The following DLGAP1 variants were observed in gnomAD, a reference collection of about 807,000 sequenced individuals.
DLGAP1 encodes the protein DLG associated protein 1, also known as disks large-associated protein 1.
A neutral mutation model predicts 90.8 loss-of-function variants in DLGAP1; 11 were observed. The observed-to-expected ratio is 0.12, with a 90% CI of 0.08 to 0.20. The LOEUF is 0.20. DLGAP1 is among the 10% of genes least tolerant of loss of function. DLGAP1 has a pLI of 1.00. For synonymous variants in DLGAP1, 558 were observed against 540.7 expected (o/e 1.03, Z -0.44); for missense variants, 1,050 against 1,333.8 (o/e 0.79, Z 3.31).
intron 5 of DLGAP1, among the ~76,000 whole-genome samples, chr18:3,772,258 CTT>C (rs1568107523): frequency 6.8e-6 from 1 of 147,808 alleles, no homozygotes; most frequent in Non-Finnish European, 1.5e-5. Flanking sequence ...TCCTTCCTTT[CTT>C]TCTCTCTTTC....
chr18:4,134,155 C>T (rs2076362209), intron 2 of DLGAP1, among the ~76,000 whole-genome samples: 1 of 152,094 alleles, frequency 6.6e-6, no homozygotes, highest in Admixed American at 6.6e-5. Context: ...ATTTCCTAGT[C>T]TGAATCCTGT....
At chr18:3,936,390 A>T (rs1404924901) in intron 3 of DLGAP1, among the ~76,000 whole-genome samples, 1 of 152,166 alleles carries the variant, frequency 6.6e-6, no homozygotes, top group Non-Finnish European at 1.5e-5. Flanking sequence ...TGACATTTCC[A>T]GTTGGTGCTG....
intron 10 of DLGAP1, among the ~76,000 whole-genome samples, chr18:3,510,290 G>T (rs1168268019): frequency 1.3e-5 from 2 of 152,218 alleles, no homozygotes; most frequent in Non-Finnish European, 2.9e-5. Context: ...AAGGTTAAAA[G>T]CGTTAGTGTA....
chr18:4,097,085 C>G (rs952055859), intron 2 of DLGAP1, among the ~76,000 whole-genome samples: 1 of 152,168 alleles, frequency 6.6e-6, no homozygotes, highest in African/African-American at 2.4e-5. Context: ...AGCACAGACC[C>G]ACATATATTA....
At chr18:4,204,529 T>C (rs2077681052) in intron 1 of DLGAP1, among the ~76,000 whole-genome samples, 1 of 152,188 alleles carries the variant, frequency 6.6e-6, no homozygotes, top group African/African-American at 2.4e-5. Flanking sequence ...GTTTTTGTTT[T>C]TTTTTCTGAC....
At chr18:3,806,774 T>C (rs993579403) in intron 5 of DLGAP1, among the ~76,000 whole-genome samples, 46 of 152,164 alleles carry the variant, frequency 3.0e-4, no homozygotes, top group African/African-American at 1.1e-3. Flanking sequence ...GTGAGGAGTC[T>C]TTGTTGCCAG....
intron 2 of DLGAP1, among the ~76,000 whole-genome samples, chr18:4,140,779 A>G (rs564924110): frequency 6.6e-6 from 1 of 152,064 alleles, no homozygotes; most frequent in East Asian, 1.9e-4. Context: ...TCTCCTTCAT[A>G]TTTGAAGGAT....
intron 1 of DLGAP1, among the ~76,000 whole-genome samples, chr18:4,219,165 C>A (rs1298988537): frequency 6.6e-6 from 1 of 150,898 alleles, no homozygotes; most frequent in African/African-American, 2.4e-5. Context: ...TTGTTAATAG[C>A]CATTCTTACA....
chr18:4,317,457 C>A (rs891030639), intron 1 of DLGAP1, among the ~76,000 whole-genome samples: 30 of 152,148 alleles, frequency 2.0e-4, no homozygotes, highest in African/African-American at 7.2e-4. Context: ...AAATTCTATT[C>A]CATGTAGTTT....
intron 1 of DLGAP1, among the ~76,000 whole-genome samples, chr18:4,371,966 C>T (rs192493273): frequency 6.6e-6 from 1 of 152,326 alleles, no homozygotes; most frequent in Admixed American, 6.5e-5. Flanking sequence ...AATATTAAGA[C>T]CAGGCTGCTG....
chr18:3,678,745 C>T (rs2060402819), intron 7 of DLGAP1, among the ~76,000 whole-genome samples: 1 of 152,186 alleles, frequency 6.6e-6, no homozygotes. Flanking sequence ...TAGGATTTTT[C>T]CCTCCCCTAG....
chr18:4,045,944 T>C (rs1456294926), intron 2 of DLGAP1, among the ~76,000 whole-genome samples: 3 of 152,092 alleles, frequency 2.0e-5, no homozygotes, highest in Admixed American at 2.0e-4. Context: ...CTGGCTCTTT[T>C]AAACTTCTTA....
chr18:3,713,006 T>C (rs1171417832), intron 7 of DLGAP1, among the ~76,000 whole-genome samples: 1 of 152,216 alleles, frequency 6.6e-6, no homozygotes, highest in Admixed American at 6.5e-5. Flanking sequence ...AAAGCTCTAG[T>C]ACTGGCCTTT....
At chr18:4,329,284 A>G (rs1277161836) in intron 1 of DLGAP1, among the ~76,000 whole-genome samples, 1 of 151,906 alleles carries the variant, frequency 6.6e-6, no homozygotes, top group Admixed American at 6.6e-5. Flanking sequence ...ACATTGAATT[A>G]CCCTGGGTCC....
intron 5 of DLGAP1, among the ~76,000 whole-genome samples, chr18:3,743,993 C>T (rs904677510): frequency 3.3e-5 from 5 of 152,240 alleles, no homozygotes; most frequent in Non-Finnish European, 4.4e-5. Context: ...GGTATTAGTG[C>T]GATTTTTCTT....
rs913402742 is a variant in DLGAP1, at chr18:4,342,680, C to T, written c.-267+112326G>A. On this transcript the variant is annotated intron_variant, in intron 1 of 12. Coordinates refer to ENST00000315677, the MANE Select transcript of DLGAP1 (RefSeq NM_004746.4). This position sits in a 1 kb window ranked among gnomAD's most constrained non-coding sequence, Gnocchi z 5.8. ...GTTTTGGTTAATACTACATTTGCCACAAATCTGCAGATGTATGTTGAAAGA... is the reference window on the plus strand; with the variant it reads ...GTTTTGGTTAATACTACATTTGCCATAAATCTGCAGATGTATGTTGAAAGA... 6.6e-6 allele frequency among the ~76,000 whole-genome samples: 1 copy of T among 152,158 alleles called. No individual in the cohort carries two copies. Among genetic ancestry groups the T allele is most frequent in the African/African-American group, 2.4e-5 (1 of 41,432 alleles).
intron 1 of DLGAP1, among the ~76,000 whole-genome samples, chr18:4,323,992 A>G (rs2080757540): frequency 6.6e-6 from 1 of 152,188 alleles, no homozygotes; most frequent in African/African-American, 2.4e-5. Context: ...CCAACCCCAA[A>G]GGAAGCAGAA....
At chr18:3,795,167 T>C (rs2065927244) in intron 5 of DLGAP1, among the ~76,000 whole-genome samples, 1 of 152,158 alleles carries the variant, frequency 6.6e-6, no homozygotes, top group Non-Finnish European at 1.5e-5. Flanking sequence ...ACCCACTGAG[T>C]GTCCTAAGTG....
At chr18:4,193,372 T>C (rs2077436472) in intron 1 of DLGAP1, among the ~76,000 whole-genome samples, 1 of 152,220 alleles carries the variant, frequency 6.6e-6, no homozygotes, top group Non-Finnish European at 1.5e-5. Flanking sequence ...TAATAATTTA[T>C]GACACTTCTG....
Sources: gnomAD v4.1 joint callset for allele counts (sites outside exome capture counted in the v4.1 genomes callset) on GRCh38, gnomAD v4.1.1 for gene constraint, Gnocchi (gnomAD v3.1) non-coding constraint, MANE v1.5 for transcripts, NCBI Gene and HGNC (gene_info 2026-07-23, HGNC 2026-07-21) for gene names.